The following GRID2 variants were observed in gnomAD, a reference collection of about 807,000 sequenced individuals.
GRID2 encodes the protein glutamate receptor ionotropic, delta-2.
A neutral mutation model predicts 114.8 loss-of-function variants in GRID2; 33 were observed. The observed-to-expected ratio is 0.29, with a 90% confidence interval of 0.22 to 0.38. The LOEUF (loss-of-function observed/expected upper bound fraction) is 0.38. Among genes scored for constraint, GRID2 ranks in the 10% least tolerant of loss-of-function variants. The pLI, the probability that GRID2 is intolerant of heterozygous loss-of-function variation, is 1.00. For missense variants in GRID2, 1,184 were observed against 1,257.7 expected (o/e 0.94, Z 0.89); for synonymous variants, 505 against 449.9 (o/e 1.12, Z -1.55).
At chr4:92,750,007 A>G (rs1560571222) in intron 2 of GRID2, among the ~76,000 whole-genome samples, 1 of 152,142 alleles carries the variant, frequency 6.6e-6, no homozygotes, top group Non-Finnish European at 1.5e-5. Flanking sequence ...GATTACAGGC[A>G]TACGCCACCA....
At chr4:93,677,225 G>A (rs968833464) in intron 14 of GRID2, among the ~76,000 whole-genome samples, 1 of 152,238 alleles carries the variant, frequency 6.6e-6, no homozygotes, top group Admixed American at 6.5e-5. Flanking sequence ...GAGGCTGGGG[G>A]AGGGGCGCCC....
intron 1 of GRID2, among the ~76,000 whole-genome samples, chr4:92,571,423 C>A (rs1215824937): frequency 1.3e-5 from 2 of 152,040 alleles, no homozygotes; most frequent in East Asian, 1.9e-4. Flanking sequence ...GACTCCCACA[C>A]AATAATAATG....
intron 14 of GRID2, among the ~76,000 whole-genome samples, chr4:93,638,311 T>TA (rs1721611635): frequency 2.4e-5 from 2 of 84,014 alleles, no homozygotes; most frequent in South Asian, 3.1e-4. Context: ...CTTTTTTTTT[T>TA]TTTTTTTTAA....
intron 1 of GRID2, among the ~76,000 whole-genome samples, chr4:92,433,672 TG>T (rs766233267): frequency 2.0e-5 from 3 of 152,206 alleles, no homozygotes; most frequent in Non-Finnish European, 2.9e-5. Flanking sequence ...CTCAATATAA[TG>T]TTACAACCAG....
At chr4:92,420,174 G>T (rs1731829109) in intron 1 of GRID2, among the ~76,000 whole-genome samples, 1 of 152,008 alleles carries the variant, frequency 6.6e-6, no homozygotes, top group Admixed American at 6.6e-5. Flanking sequence ...ATTCACTCTT[G>T]TCAATTCTTT....
In GRID2 at chr4:92,430,955, T is replaced by C. The variant is rs1226938705; in HGVS notation, c.88+126211T>C. Among the ~76,000 whole-genome samples the C allele has an allele frequency of 2.0e-5, 3 of 152,194 alleles. No individual in the cohort carries two copies. In the East Asian group the frequency reaches 5.8e-4, roughly 29 times the overall value. On this transcript the variant is annotated intron_variant, in intron 1 of 15. Transcript: ENST00000282020. Reference sequence around the variant, plus strand: ...TGCTGAATTTTGTATGTTGACTTTTTTGTCTTGCAACTTTACTGAATTTGT... The same window carrying C: ...TGCTGAATTTTGTATGTTGACTTTTCTGTCTTGCAACTTTACTGAATTTGT...
chr4:92,777,424 A>T (rs2149356290), intron 2 of GRID2, among the ~76,000 whole-genome samples: 1 of 152,158 alleles, frequency 6.6e-6, no homozygotes, highest in Non-Finnish European at 1.5e-5. Flanking sequence ...ATCCACTTAA[A>T]AATTGTATTT....
At chr4:92,381,590 G>A (rs1028895980) in intron 1 of GRID2, among the ~76,000 whole-genome samples, 1 of 151,786 alleles carries the variant, frequency 6.6e-6, no homozygotes, top group Non-Finnish European at 1.5e-5. Flanking sequence ...CTCCACATCA[G>A]TTAATTCATT....
At chr4:92,965,878 A>AC (rs1326158133) in intron 2 of GRID2, among the ~76,000 whole-genome samples, 1 of 151,906 alleles carries the variant, frequency 6.6e-6, no homozygotes, top group Non-Finnish European at 1.5e-5. Context: ...TATACTGACA[A>AC]CCAAGCCCTC....
chr4:93,674,764 C>A (rs1177124538), intron 14 of GRID2, among the ~76,000 whole-genome samples: 1 of 151,680 alleles, frequency 6.6e-6, no homozygotes, highest in Non-Finnish European at 1.5e-5. Flanking sequence ...TTCTTTATTG[C>A]CAACAGAACA....
intron 2 of GRID2, among the ~76,000 whole-genome samples, chr4:92,678,462 G>A (rs952667642): frequency 2.6e-5 from 4 of 151,866 alleles, no homozygotes; most frequent in Admixed American, 2.6e-4. Flanking sequence ...AATTACTATC[G>A]TAGAAGCAAG....
intron 1 of GRID2, among the ~76,000 whole-genome samples, chr4:92,562,320 C>A (rs1350952892): frequency 1.3e-5 from 2 of 152,122 alleles, no homozygotes; most frequent in Non-Finnish European, 2.9e-5. Flanking sequence ...GGTTAATGGG[C>A]ACAGGGTGAC....
rs17020586 is a variant in GRID2, at chr4:93,423,103, A to G, written c.1545+135A>G. ...GATGTATTTAGGTTGGTTAAGCATTAGGTGGTGGAATTGAGTACAAAAGTC... is the reference window on the plus strand; with the variant it reads ...GATGTATTTAGGTTGGTTAAGCATTGGGTGGTGGAATTGAGTACAAAAGTC... On this transcript the variant is annotated intron_variant, in intron 10 of 15. Transcript: ENST00000282020. The G allele has an allele frequency of 0.042, 26,380 of 634,956 alleles. 2,259 individuals are homozygous for G. The highest frequency in any genetic ancestry group is 0.27 in the African/African-American group (14,774 of 54,408). The allele number at this position is 634,956 out of a possible 1,614,324, so 39.3% of individuals were successfully genotyped here. A position where few individuals can be genotyped will look rare whatever the true frequency, so the allele number is the denominator to read the frequency against.
intron 2 of GRID2, among the ~76,000 whole-genome samples, chr4:92,715,715 C>A (rs779346202): frequency 3.3e-5 from 5 of 152,022 alleles, no homozygotes; most frequent in Admixed American, 6.6e-5. Context: ...TTCACTATCA[C>A]AAGAATAGCA....
At chr4:92,984,378 A>T (rs1754383413) in intron 2 of GRID2, among the ~76,000 whole-genome samples, 1 of 152,262 alleles carries the variant, frequency 6.6e-6, no homozygotes, top group African/African-American at 2.4e-5. Flanking sequence ...GGAACAGCTT[A>T]TATCATTGCA....
intron 2 of GRID2, among the ~76,000 whole-genome samples, chr4:92,709,589 A>AAAAAAATAT (rs779775767): frequency 4.3e-4 from 49 of 114,624 alleles, no homozygotes; most frequent in East Asian, 1.7e-3. Flanking sequence ...AAAAAAAAAA[A>AAAAAAATAT]ATATATATAT....
At chr4:93,037,423 T>C (rs1725031538) in intron 2 of GRID2, among the ~76,000 whole-genome samples, 1 of 152,218 alleles carries the variant, frequency 6.6e-6, no homozygotes, top group Non-Finnish European at 1.5e-5. Context: ...CCTTTTGCTG[T>C]GCAGAAGCTT....
chr4:92,824,977 C>T (rs932996378), intron 2 of GRID2, among the ~76,000 whole-genome samples: 4 of 148,910 alleles, frequency 2.7e-5, no homozygotes, highest in Non-Finnish European at 6.1e-5. Context: ...TTCATATCCA[C>T]AAATTTCTTA....
At chr4:92,379,548 T>C (rs886906537) in intron 1 of GRID2, among the ~76,000 whole-genome samples, 1 of 152,060 alleles carries the variant, frequency 6.6e-6, no homozygotes. Flanking sequence ...TTAAACCTCA[T>C]GTTAATGGAG....
Sources: gnomAD v4.1 joint callset for allele counts (sites outside exome capture counted in the v4.1 genomes callset) on GRCh38, gnomAD v4.1.1 for gene constraint, MANE v1.5 for transcripts, NCBI Gene and HGNC (gene_info 2026-07-23, HGNC 2026-07-21) for gene names.